Variants in CCSER1 observed in about 807,000 individuals in gnomAD.
The protein encoded by CCSER1 is coiled-coil serine rich protein 1, also known as serine-rich coiled-coil domain-containing protein 1.
In CCSER1, 41 loss-of-function variants were observed where a neutral mutation model predicts 82.0. The observed-to-expected ratio is 0.50, with a 90% CI of 0.39 to 0.65. The LOEUF (loss-of-function observed/expected upper bound fraction) is 0.65, where lower values mean the gene tolerates loss of function less well. Among genes scored for constraint, CCSER1 ranks in the 30% least tolerant of loss-of-function variants. The pLI is 0.00. For synonymous variants in CCSER1, 414 were observed against 383.9 expected, an observed-to-expected ratio of 1.08 and a Z score of -0.92; for missense variants, 1,119 against 1,064.2, an observed-to-expected ratio of 1.05 and a Z score of -0.72.
intron 1 of CCSER1, among the ~76,000 whole-genome samples, chr4:90,158,028 A>C (rs936467749): frequency 2.4e-4 from 36 of 151,936 alleles, no homozygotes; most frequent in African/African-American, 2.4e-4. Flanking sequence ...GTCTTTGATG[A>C]TGGTGATGTA....
At chr4:91,242,496 C>A (rs879540213) in intron 10 of CCSER1, among the ~76,000 whole-genome samples, 1 of 152,094 alleles carries the variant, frequency 6.6e-6, no homozygotes. Flanking sequence ...AAAATTATCT[C>A]AAAATGGATT....
At chr4:91,433,933 G>C (rs1201532438) in intron 10 of CCSER1, among the ~76,000 whole-genome samples, 8 of 152,148 alleles carry the variant, frequency 5.3e-5, no homozygotes, top group Admixed American at 5.2e-4. Flanking sequence ...AGTCTACCTG[G>C]AAAGACACAT....
chr4:90,276,144 C>G (rs1727485260), intron 1 of CCSER1, among the ~76,000 whole-genome samples: 1 of 151,778 alleles, frequency 6.6e-6, no homozygotes, highest in African/African-American at 2.4e-5. Context: ...GTGTGTGTCT[C>G]CTGGAATCTT....
rs192925514 is a variant in CCSER1, at chr4:90,157,505, A to T, written c.-42+29674A>T. 8.0e-3 allele frequency among the ~76,000 whole-genome samples: 1,224 copies of T among 152,306 alleles called. 20 individuals are homozygous for T. Among genetic ancestry groups the T allele is most frequent in the African/African-American group, 0.028 (1,160 of 41,556 alleles). On this transcript the variant is annotated intron_variant, in intron 1 of 10. Transcript: ENST00000509176. ...GTTCCATTCTCCCCGTCACTTTCAG[A>T]TACACCAATCAGACGTAGATTTGGT...
intron 5 of CCSER1, among the ~76,000 whole-genome samples, chr4:90,485,948 G>T (rs1358090755): frequency 6.6e-6 from 1 of 151,796 alleles, no homozygotes; most frequent in African/African-American, 2.4e-5. Flanking sequence ...TTCATCTTTT[G>T]TTTTGAAAAG....
At chr4:91,545,708 C>G (rs559806144) in intron 10 of CCSER1, among the ~76,000 whole-genome samples, 3 of 151,958 alleles carry the variant, frequency 2.0e-5, no homozygotes, top group African/African-American at 7.3e-5. Context: ...AGATTTACTC[C>G]GTAGATAATC....
intron 10 of CCSER1, among the ~76,000 whole-genome samples, chr4:91,108,601 A>T (rs1262809905): frequency 2.0e-5 from 3 of 152,254 alleles, no homozygotes; most frequent in African/African-American, 4.8e-5. Context: ...TACTTAAAAA[A>T]TTTAACATAT....
chr4:90,906,146 A>C (rs1725436273), intron 8 of CCSER1, among the ~76,000 whole-genome samples: 1 of 152,184 alleles, frequency 6.6e-6, no homozygotes, highest in South Asian at 2.1e-4. Context: ...TCCTCTAGTC[A>C]CGTGTAATCT....
chr4:91,063,096 C>T (rs1187068100), intron 9 of CCSER1, among the ~76,000 whole-genome samples: 2 of 152,054 alleles, frequency 1.3e-5, no homozygotes, highest in Non-Finnish European at 2.9e-5. Flanking sequence ...TGAAAAGTTA[C>T]ATTCAAGTAA....
At chr4:91,055,931 C>CTTCACA (rs1471512046) in intron 9 of CCSER1, among the ~76,000 whole-genome samples, 1 of 151,968 alleles carries the variant, frequency 6.6e-6, no homozygotes, top group Non-Finnish European at 1.5e-5. Flanking sequence ...ATGGTCCTGT[C>CTTCACA]TTCACATTCA....
intron 10 of CCSER1, among the ~76,000 whole-genome samples, chr4:91,275,446 C>A (rs568163675): frequency 6.6e-6 from 1 of 152,084 alleles, no homozygotes; most frequent in Non-Finnish European, 1.5e-5. Flanking sequence ...TTTTCAACTA[C>A]CTGTTGGCCA....
chr4:90,673,755 T>G (rs1393112652), intron 6 of CCSER1, among the ~76,000 whole-genome samples: 2 of 152,010 alleles, frequency 1.3e-5, no homozygotes, highest in South Asian at 4.1e-4. Flanking sequence ...AACAGCAACT[T>G]TGCTCTTTTA....
At chr4:91,541,184 T>G (rs886479543) in intron 10 of CCSER1, among the ~76,000 whole-genome samples, 2 of 152,194 alleles carry the variant, frequency 1.3e-5, no homozygotes, top group Non-Finnish European at 2.9e-5. Flanking sequence ...AACATAGAAT[T>G]AGTCTCTACT....
At chr4:90,823,049 C>T (rs192737693) in intron 8 of CCSER1, among the ~76,000 whole-genome samples, 84 of 152,166 alleles carry the variant, frequency 5.5e-4, no homozygotes, top group African/African-American at 2.0e-3. Flanking sequence ...ACCTTCACCA[C>T]CACATCTTTT....
At chr4:90,149,093 G>C (rs987097637) in intron 1 of CCSER1, among the ~76,000 whole-genome samples, 3 of 152,132 alleles carry the variant, frequency 2.0e-5, no homozygotes, top group African/African-American at 7.2e-5. Flanking sequence ...GATAACAGCT[G>C]TCAGTATTTA....
chr4:91,399,336 A>C lies in CCSER1; in HGVS notation c.2218-199236A>C, dbSNP rs183353504. 2.2e-4 allele frequency among the ~76,000 whole-genome samples: 33 copies of C among 152,086 alleles called. No individual in the cohort carries two copies. The East Asian group carries it at 6.0e-3, about 28-fold the overall frequency. ...AGTTTAAAGATGGCTATATGACTTA[A>C]GATTGACAAAGAAGTTTATCTGTTT... On this transcript the variant is annotated intron_variant, in intron 10 of 10. Coordinates refer to ENST00000509176, the MANE Select transcript of CCSER1 (RefSeq NM_001145065.2).
chr4:90,241,632 A>G (rs757885478), intron 1 of CCSER1, among the ~76,000 whole-genome samples: 1 of 152,148 alleles, frequency 6.6e-6, no homozygotes, highest in Non-Finnish European at 1.5e-5. Flanking sequence ...TGGATTTGTA[A>G]TCTTTCCTTA....
intron 6 of CCSER1, among the ~76,000 whole-genome samples, chr4:90,651,136 C>A (rs1728674212): frequency 6.6e-6 from 1 of 152,148 alleles, no homozygotes; most frequent in South Asian, 2.1e-4. Flanking sequence ...CCACTCATAT[C>A]TATTTCATCA....
chr4:91,149,093 C>G (rs1366698466), intron 10 of CCSER1, among the ~76,000 whole-genome samples: 1 of 152,170 alleles, frequency 6.6e-6, no homozygotes, highest in Non-Finnish European at 1.5e-5. Context: ...TTTACAGTCC[C>G]ACCAACAGTG....
Sources: gnomAD v4.1 joint callset for allele counts (sites outside exome capture counted in the v4.1 genomes callset) on GRCh38, gnomAD v4.1.1 for gene constraint, MANE v1.5 for transcripts, NCBI Gene and HGNC (gene_info 2026-07-23, HGNC 2026-07-21) for gene names.